The following KLHL17 variants were observed in gnomAD, a reference collection of about 807,000 sequenced individuals.
KLHL17 encodes the protein kelch like family member 17, also known as kelch-like protein 17.
Under a neutral mutation model 64.6 loss-of-function variants are expected in KLHL17, and 71 were observed. The ratio of observed to expected loss-of-function variants is 1.10; its 90% confidence interval spans 0.91 to 1.34. The LOEUF (loss-of-function observed/expected upper bound fraction) is 1.34. Among genes scored for constraint, KLHL17 ranks in the 40% most tolerant of loss-of-function variants. The pLI is 0.00. For missense variants in KLHL17, 1,140 were observed against 935.0 expected (o/e 1.22, Z -2.86); for synonymous variants, 612 against 405.4 (o/e 1.51, Z -6.12).
rs149918236 is a variant in KLHL17 at position 962,371 on chromosome 1, C to T, written c.728C>T (p.Ser243Phe). Residue 243 changes from serine to phenylalanine, a missense_variant, in exon 5 of 12, where the codon TCT becomes TTT. Ser to Phe is a radical substitution (Grantham distance 155). Transcript: ENST00000338591. ...CACTCCCAGGTTCTGGAACTGGTCT[C>T]TAGCGACAGCCTGAACGTGCCTTCA... The part of the protein sequence containing the change: ...LPLKQVLELV[S>F]SDSLNVPSEE... 1.1e-5 allele frequency: 17 copies of T among 1,612,746 alleles called. No homozygotes were observed. The highest frequency in any genetic ancestry group is 1.4e-5 in the Non-Finnish European group (16 of 1,179,900).
chr1:963,279 C>G (rs1291628587), intron 7 of KLHL17, 26 bp downstream of exon 7: 2 of 1,598,670 alleles, frequency 1.3e-6, no homozygotes, highest in Non-Finnish European at 1.7e-6. Context: ...GGACTTGGGT[C>G]GGGTCTGGCA....
At chr1:964,249 A>T in intron 10 of KLHL17, 69 bp downstream of exon 10, 1 of 1,599,732 alleles carries the variant, frequency 6.3e-7, no homozygotes, top group Non-Finnish European at 8.5e-7. Context: ...CTGTTTACCC[A>T]CATCCCCCCC....
Position 962,707 on chromosome 1 carries a change from A to G in KLHL17, c.832A>G (p.Met278Val), listed in dbSNP as rs754541771. The G allele has an allele frequency of 6.3e-7, 1 of 1,595,844 alleles. No individual in the cohort carries two copies. The highest frequency in any genetic ancestry group is 8.5e-7 in the Non-Finnish European group (1 of 1,174,200). The change falls in exon 6 of 12, where the codon ATG (methionine) becomes GTG (valine). Residue 278 changes from methionine (M) to valine (V), a missense_variant. Met to Val is a conservative substitution (Grantham distance 21). Transcript: ENST00000338591. ...CTTGGCGTTCCCTGCACCCCAGCTCATGAAGTGTGTGCGGCTGCCCTTGCT... is the reference window on the plus strand; with the variant it reads ...CTTGGCGTTCCCTGCACCCCAGCTCGTGAAGTGTGTGCGGCTGCCCTTGCT... ...DARRQHVPRL[M>V]KCVRLPLLSR...
At chr1:960,850 GC>G in intron 1 of KLHL17, 50 bp downstream of exon 1, 3 of 978,214 alleles carry the variant, frequency 3.1e-6, no homozygotes, top group Non-Finnish European at 3.6e-6. Flanking sequence ...GACCTGCGCG[GC>G]CCCCGCCCTC....
rs371450038 is a variant in KLHL17 at position 964,022 on chromosome 1, C to T, written c.1444+14C>T. 6.2e-7 allele frequency: 1 copy of T among 1,612,558 alleles called. No homozygotes were observed. The highest frequency in any genetic ancestry group is 8.5e-7 in the Non-Finnish European group (1 of 1,179,862). ...TGGCCACGCTTGGTGGGTGATGGGG[C>T]CTGCCTGGGGGGCATCCCCACCTTC... On this transcript the variant is annotated intron_variant, in intron 9 of 11. Coordinates refer to ENST00000338591, the MANE Select transcript of KLHL17 (RefSeq NM_198317.3).
intron 8 of KLHL17, 23 bp downstream of exon 8, chr1:963,527 T>G (rs756004059): frequency 6.3e-6 from 10 of 1,595,128 alleles, no homozygotes; most frequent in Non-Finnish European, 8.5e-6. Context: ...GGGGCCCCAG[T>G]GGCTTTGTAC....
intron 1 of KLHL17, 82 bp downstream of exon 1, chr1:960,882 C>A: frequency 2.5e-6 from 2 of 816,136 alleles, no homozygotes; most frequent in South Asian, 5.7e-5. Flanking sequence ...GCAGAAGGGG[C>A]GGGGGCCGCT....
intron 4 of KLHL17, 47 bp from the exon 5 acceptor site, chr1:962,308 C>T (rs761806141): frequency 1.2e-6 from 2 of 1,610,106 alleles, no homozygotes. Context: ...CTCCCTGGGT[C>T]CACAGGACCC....
At position 964,447 on chromosome 1, in the gene KLHL17, C is replaced by T. The variant is rs376270807; in HGVS notation, c.1617C>T (p.Asp539=). ...EGALYVAGGN[D]GTSCLNSVER... is the part of the protein sequence containing the mutation. ...CCCTGTACGTGGCAGGGGGCAACGA[C>T]GGCACCAGCTGCCTCAACTCGGTAG... The change falls in exon 11 of 12, where the codon GAC becomes GAT. Residue 539 remains aspartate (D), a synonymous_variant. Coordinates refer to ENST00000338591, the MANE Select transcript of KLHL17 (RefSeq NM_198317.3). The T allele has an allele frequency of 1.1e-5, 17 of 1,549,688 alleles. No homozygotes were observed. Among genetic ancestry groups the T allele is most frequent in the Middle Eastern group, 3.3e-4 (2 of 6,004 alleles).
chr1:962,939 C>T lies in KLHL17; in HGVS notation c.1042+22C>T, dbSNP rs777869722. On this transcript the variant is annotated intron_variant, in intron 6 of 11. Transcript: ENST00000338591. ...GTGGGTATGGCCCCCCGCCCGTTTC[C>T]CTCTTGCCCTGTGCCTTCTACTCCC... The T allele has an allele frequency of 4.0e-5, 61 of 1,532,024 alleles. No individual in the cohort carries two copies. In the African/African-American group the frequency reaches 4.4e-4, roughly 11 times the overall value. The allele number at this position is 1,532,024 out of a possible 1,614,324, so 94.9% of individuals were successfully genotyped here. A position where few individuals can be genotyped will look rare whatever the true frequency, so the allele number is the denominator to read the frequency against.
At position 962,919 on chromosome 1, in the gene KLHL17, T is replaced by C. The variant is rs1166943032; in HGVS notation, c.1042+2T>C. Reference sequence around the variant, plus strand: ...CCGGGCCTGTGCTTTTTGCTGTGGGTATGGCCCCCCGCCCGTTTCCCTCTT... The same window carrying C: ...CCGGGCCTGTGCTTTTTGCTGTGGGCATGGCCCCCCGCCCGTTTCCCTCTT... On this transcript the variant is annotated splice_donor_variant, in intron 6 of 11. Coordinates refer to ENST00000338591, the MANE Select transcript of KLHL17 (RefSeq NM_198317.3). LOFTEE classifies it high-confidence loss of function. 3.9e-6 allele frequency: 6 copies of C among 1,545,224 alleles called. No homozygotes were observed. Among genetic ancestry groups the C allele is most frequent in the Non-Finnish European group, 3.5e-6 (4 of 1,149,530 alleles).
In KLHL17 at chr1:964,866, C is replaced by G. The variant is rs1318299095; in HGVS notation, c.1701-97C>G. ...GCTGTGAGAAGGGAGTTCTCCCAACCTCAGCGAGCATGTCCCGCCACCACC... is the reference window on the plus strand; with the variant it reads ...GCTGTGAGAAGGGAGTTCTCCCAACGTCAGCGAGCATGTCCCGCCACCACC... On this transcript the variant is annotated intron_variant, in intron 11 of 11. Coordinates refer to ENST00000338591, the MANE Select transcript of KLHL17 (RefSeq NM_198317.3). The G allele has an allele frequency of 2.9e-5, 30 of 1,017,530 alleles. 4 individuals carry two copies. The highest frequency in any genetic ancestry group is 4.4e-5 in the Non-Finnish European group (30 of 689,190). The allele number at this position is 1,017,530 out of a possible 1,614,324, so 63.0% of individuals were successfully genotyped here. A position where few individuals can be genotyped will look rare whatever the true frequency, so the allele number is the denominator to read the frequency against.
At position 961,884 on chromosome 1, in the gene KLHL17, A is replaced by G; in HGVS notation, c.548A>G (p.Lys183Arg). Reference sequence around the variant, plus strand: ...AATGGCGTCCGAGACGCTTGCTGCAAGTTTCTACTGAGTCAGCTCGACCCC... The same window carrying G: ...AATGGCGTCCGAGACGCTTGCTGCAGGTTTCTACTGAGTCAGCTCGACCCC... ...QLNGVRDACC[K>R]FLLSQLDPSN... Residue 183 changes from lysine (K) to arginine (R), a missense_variant, in exon 4 of 12, where the codon AAG becomes AGG. By Grantham distance (26) the Lys-to-Arg change is conservative. Coordinates refer to ENST00000338591, the MANE Select transcript of KLHL17 (RefSeq NM_198317.3). 1 of 1,612,634 alleles carries G rather than the reference A, an allele frequency of 6.2e-7. No homozygotes were observed. Among genetic ancestry groups the G allele is most frequent in the Non-Finnish European group, 8.5e-7 (1 of 1,179,970 alleles).
rs1386316154 is a variant in KLHL17, at chr1:964,320, C to G, written c.1519-29C>G. The G allele has an allele frequency of 2.6e-6, 4 of 1,547,916 alleles. No individual in the cohort carries two copies. The African/African-American group carries it at 4.1e-5, about 16-fold the overall frequency. ...CAGAGGAGGGATGCCAGTGGCGGGT[C>G]TGCGTCCAGCCCACGCCCTCGCCCC... On this transcript the variant is annotated intron_variant, in intron 10 of 11. Transcript: ENST00000338591.
chr1:964,273 C>T, intron 10 of KLHL17, 76 bp from the exon 11 acceptor site: 1 of 1,590,106 alleles, frequency 6.3e-7, no homozygotes, highest in Non-Finnish European at 8.6e-7. Flanking sequence ...CCTGACACCC[C>T]ACCCTGGAGT....
Position 960,713 on chromosome 1 carries a change from G to T in KLHL17, c.20G>T (p.Arg7Leu), listed in dbSNP as rs1642597460. ...AGCCGAATGCAGCCCCGCAGCGAGC[G>T]CCCGGCCGGCAGGACGCAGAGCCCG... MQPRSE[R>L]PAGRTQSPEH... The change falls in exon 1 of 12, where the codon CGC (arginine) becomes CTC (leucine). Residue 7 changes from arginine (R) to leucine (L), a missense_variant. Transcript: ENST00000338591. 7.4e-7 allele frequency: 1 copy of T among 1,350,570 alleles called. No individual in the cohort carries two copies. The highest frequency in any genetic ancestry group is 9.6e-7 in the Non-Finnish European group (1 of 1,043,858). The allele number at this position is 1,350,570 out of a possible 1,614,324, so 83.7% of individuals were successfully genotyped here. A position where few individuals can be genotyped will look rare whatever the true frequency, so the allele number is the denominator to read the frequency against.
chr1:962,453 C>T lies in KLHL17; in HGVS notation c.810C>T (p.Arg270=), dbSNP rs1216400527. Residue 270 remains arginine (R), a synonymous_variant, in exon 5 of 12, where the codon CGC becomes CGT. Transcript: ENST00000338591. ...LSWVKHDVDA[R]RQHVPRLMKC... ...GGGTGAAACACGACGTGGACGCCCG[C>T]AGGCAGCATGTCCCACGGGTGAGGC... is the stretch of plus-strand genomic sequence containing the variant. 3 of 1,612,676 alleles carry T rather than the reference C, an allele frequency of 1.9e-6. No individual in the cohort carries two copies. Among genetic ancestry groups the T allele is most frequent in the South Asian group, 2.2e-5 (2 of 91,074 alleles).
intron 5 of KLHL17, 72 bp downstream of exon 5, chr1:962,543 C>A: frequency 6.3e-7 from 1 of 1,577,558 alleles, no homozygotes; most frequent in Non-Finnish European, 8.6e-7. Flanking sequence ...CTGGTGCACC[C>A]TGACCTTCCC....
At chr1:962,112 C>T (rs916340930) in intron 4 of KLHL17, 65 bp downstream of exon 4, 6 of 1,288,618 alleles carry the variant, frequency 4.7e-6, no homozygotes, top group Non-Finnish European at 5.3e-6. Flanking sequence ...GTCTTTGACT[C>T]CCGACCCCGT....
Sources: allele counts gnomAD v4.1 joint callset, GRCh38; gene constraint gnomAD v4.1.1; transcripts MANE v1.5; gene names NCBI Gene and HGNC (gene_info 2026-07-23, HGNC 2026-07-21).